PDGFRA: variants seen among roughly 807,000 people sequenced by gnomAD.
PDGFRA encodes the protein platelet derived growth factor receptor alpha.
Under a neutral mutation model 121.5 loss-of-function variants are expected in PDGFRA, and 25 were observed. The ratio of observed to expected loss-of-function variants is 0.21; its 90% confidence interval spans 0.15 to 0.29. The LOEUF is 0.29. Ranked by LOEUF, PDGFRA falls within the 10% of genes least tolerant of loss-of-function variation. The pLI is 1.00. For missense variants in PDGFRA, 1,008 were observed against 1,345.1 expected, an observed-to-expected ratio of 0.75 and a Z score of 3.92; for synonymous variants, 463 against 494.8, an observed-to-expected ratio of 0.94 and a Z score of 0.85.
chr4:54,289,802 G>A (rs1724535406), intron 21 of PDGFRA, among the ~76,000 whole-genome samples: 1 of 152,196 alleles, frequency 6.6e-6, no homozygotes, highest in African/African-American at 2.4e-5. Flanking sequence ...CACAGGTGAG[G>A]CAGTGAGGAG....
rs1577756194 is a variant in PDGFRA, at chr4:54,295,397, C to A, written c.*125C>A. 2.2e-6 allele frequency: 2 copies of A among 916,472 alleles called. No individual in the cohort carries two copies. The highest frequency in any genetic ancestry group is 2.4e-5 in the East Asian group (1 of 41,392). 56.8% of individuals were successfully genotyped at this position (916,472 alleles called of 1,614,324 possible). A position where few individuals can be genotyped will look rare whatever the true frequency, so the allele number is the denominator to read the frequency against. On this transcript the variant is annotated 3_prime_UTR_variant, in exon 23 of 23. Transcript: ENST00000257290. The stretch of plus-strand genomic sequence containing the variant: ...TTGATGTTTAAAGAGAAGTTCCCAG[C>A]CAAGGGCCTCGGGGAGCGTTCTAAA...
chr4:54,286,319 TTTTA>T (rs144165770), intron 18 of PDGFRA, among the ~76,000 whole-genome samples: 3,455 of 146,386 alleles, frequency 0.024, 57 homozygotes, highest in African/African-American at 0.045. Flanking sequence ...ATGTTAGCTA[TTTTA>T]TTTATTTATT....
intron 7 of PDGFRA, among the ~76,000 whole-genome samples, chr4:54,269,032 G>A (rs1337496093): frequency 1.3e-5 from 2 of 151,974 alleles, no homozygotes; most frequent in Non-Finnish European, 2.9e-5. Flanking sequence ...CTGGCTTCCT[G>A]GAGCTTAAAA....
chr4:54,293,859 G>C (rs756400851), intron 22 of PDGFRA, among the ~76,000 whole-genome samples: 4 of 151,562 alleles, frequency 2.6e-5, no homozygotes, highest in Non-Finnish European at 5.9e-5. Context: ...CTTGGACAGA[G>C]GTAGGAGAAG....
At chr4:54,281,564 T>A (rs1724077892) in intron 16 of PDGFRA, 1 of 1,340,204 alleles carries the variant, frequency 7.5e-7, no homozygotes, top group African/African-American at 1.5e-5. Flanking sequence ...TTAAAAATAG[T>A]TTACATTGCT....
At chr4:54,240,313 G>T (rs1044060573) in intron 1 of PDGFRA, among the ~76,000 whole-genome samples, 2 of 152,172 alleles carry the variant, frequency 1.3e-5, no homozygotes, top group African/African-American at 4.8e-5. Flanking sequence ...GGACACCAGG[G>T]TCATTGTTCT....
chr4:54,250,116 T>C lies in PDGFRA; in HGVS notation c.-12-8641T>C, dbSNP rs569895812. Among the ~76,000 whole-genome samples, 148 of 152,328 alleles carry C rather than the reference T, an allele frequency of 9.7e-4. 1 individual carries two copies. Among genetic ancestry groups the C allele is most frequent in the African/African-American group, 3.5e-3 (144 of 41,576 alleles). ...AAGATAATGAAAGATTTTTATTTGC[T>C]TTTTAAATAAACTATAGGAAAAATA... On this transcript the variant is annotated intron_variant, in intron 1 of 22. Transcript: ENST00000257290.
chr4:54,293,990 T>C (rs1213720732), intron 22 of PDGFRA, among the ~76,000 whole-genome samples: 4 of 151,992 alleles, frequency 2.6e-5, no homozygotes, highest in African/African-American at 7.2e-5. Flanking sequence ...CTTATGACTG[T>C]GACCTTTGTT....
intron 1 of PDGFRA, among the ~76,000 whole-genome samples, chr4:54,231,478 G>A (rs1330362452): frequency 6.6e-6 from 1 of 152,206 alleles, no homozygotes; most frequent in Non-Finnish European, 1.5e-5. Flanking sequence ...GGAGGAAGGG[G>A]CTCTCCGGGC....
At chr4:54,274,014 G>A (rs573110546) in intron 10 of PDGFRA, among the ~76,000 whole-genome samples, 125 of 152,310 alleles carry the variant, frequency 8.2e-4, no homozygotes, top group African/African-American at 2.8e-3. Flanking sequence ...CATTTTTGCA[G>A]AGGCCCCTCA....
chr4:54,261,314 C>G lies in PDGFRA; in HGVS notation c.269C>G (p.Ala90Gly), dbSNP rs1722697797. 6.2e-7 allele frequency: 1 copy of G among 1,613,958 alleles called. No homozygotes were observed. Among genetic ancestry groups the G allele is most frequent in the Non-Finnish European group, 8.5e-7 (1 of 1,179,922 alleles). The change falls in exon 3 of 23, where the codon GCC becomes GGC. Residue 90 changes from alanine (A) to glycine (G), a missense_variant. Physicochemically the swap from Ala to Gly is moderately conservative, Grantham distance 60. This residue lies in a region of PDGFRA where 575 missense variants were observed against 701.8 expected (regional missense o/e 0.82). Transcript: ENST00000257290. Reference sequence around the variant, plus strand: ...GTGACGGTCTTGGAAGTGAGCAGTGCCTCGGCGGCCCACACAGGGTTGTAC... The same window carrying G: ...GTGACGGTCTTGGAAGTGAGCAGTGGCTCGGCGGCCCACACAGGGTTGTAC... ...LFVTVLEVSS[A>G]SAAHTGLYTC...
chr4:54,286,112 C>T (rs1724350058), intron 18 of PDGFRA, 149 bp downstream of exon 18: 1 of 805,980 alleles, frequency 1.2e-6, no homozygotes, highest in African/African-American at 1.7e-5. Context: ...GCAGATTGCC[C>T]AGGTTTGAGT....
chr4:54,233,852 A>G (rs923248348), intron 1 of PDGFRA, among the ~76,000 whole-genome samples: 2 of 151,966 alleles, frequency 1.3e-5, no homozygotes, highest in African/African-American at 4.8e-5. Flanking sequence ...TTGTTTTACG[A>G]CCCTGCGTTA....
Position 54,267,465 on chromosome 4 carries a change from A to T in PDGFRA, c.931+5A>T. ...AAGTCACTATTTCTGTCCATGGTAC[A>T]TTCCGCTTTCTAAAATGTCAGTTGT... On this transcript the variant is annotated splice_donor_5th_base_variant and intron_variant, in intron 6 of 22. Coordinates refer to ENST00000257290, the MANE Select transcript of PDGFRA (RefSeq NM_006206.6). 6.2e-7 allele frequency: 1 copy of T among 1,614,160 alleles called. No individual in the cohort carries two copies. The highest frequency in any genetic ancestry group is 2.2e-5 in the East Asian group (1 of 44,882).
rs201530923 is a variant in PDGFRA at position 54,246,912 on chromosome 4, A to G, written c.-12-11845A>G. ...ATCACCACCGATCCCACAGAAATGC[A>G]AACTACCATCAGAGAATACCACAAA... On this transcript the variant is annotated intron_variant, in intron 1 of 22. Transcript: ENST00000257290. 7.2e-4 allele frequency among the ~76,000 whole-genome samples: 109 copies of G among 152,286 alleles called. 1 individual carries two copies. The East Asian group carries it at 0.021, about 29-fold the overall frequency.
intron 15 of PDGFRA, 54 bp from the exon 16 acceptor site, chr4:54,280,262 A>G: frequency 2.0e-6 from 2 of 976,574 alleles, no homozygotes; most frequent in Non-Finnish European, 3.2e-6. Flanking sequence ...CTGAAAGTGG[A>G]ATGACCACTT....
At chr4:54,285,227 C>A in intron 16 of PDGFRA, 144 bp from the exon 17 acceptor site, 1 of 661,704 alleles carries the variant, frequency 1.5e-6, no homozygotes, top group Non-Finnish European at 2.7e-6. Flanking sequence ...AGAATCTTTG[C>A]ATAGTGATAT....
chr4:54,275,961 C>T (rs1437349813), intron 12 of PDGFRA, among the ~76,000 whole-genome samples: 1 of 152,164 alleles, frequency 6.6e-6, no homozygotes, highest in Non-Finnish European at 1.5e-5. Context: ...TCCCTGGGAA[C>T]TAGACTGCCT....
chr4:54,265,986 T>A (rs1469994953), intron 5 of PDGFRA, among the ~76,000 whole-genome samples: 1 of 152,210 alleles, frequency 6.6e-6, no homozygotes, highest in African/African-American at 2.4e-5. Flanking sequence ...TTTTCATTTG[T>A]CCTGGGGCAT....
Sources: allele counts gnomAD v4.1 joint callset (sites outside exome capture counted in the v4.1 genomes callset), GRCh38; gene constraint gnomAD v4.1.1; regional missense constraint gnomAD v4.1.1; transcripts MANE v1.5; gene names NCBI Gene and HGNC (gene_info 2026-07-23, HGNC 2026-07-21).